ARMC2: variants seen among roughly 807,000 people sequenced by gnomAD.
The protein encoded by ARMC2 is armadillo repeat containing 2.
ARMC2 carries 67 observed loss-of-function variants against 90.3 expected under a neutral mutation model. That is an observed-to-expected ratio of 0.74 (90% CI 0.61 to 0.91). The LOEUF is 0.91. Among genes scored for constraint, ARMC2 ranks in the 40% least tolerant of loss-of-function variants. The probability of loss-of-function intolerance (pLI) is 0.00; values close to 1 mark genes in which losing one functional copy is unlikely to be tolerated. For missense variants in ARMC2, 920 were observed against 1,030.9 expected, an observed-to-expected ratio of 0.89 and a Z score of 1.47; for synonymous variants, 393 against 393.0, an observed-to-expected ratio of 1.00 and a Z score of 0.00.
chr6:108,855,780 A>G (rs1774524976), intron 2 of ARMC2, among the ~76,000 whole-genome samples: 1 of 152,130 alleles, frequency 6.6e-6, no homozygotes, highest in South Asian at 2.1e-4. Flanking sequence ...GTGGTATCTC[A>G]TTGTTTTAAG....
At chr6:108,918,625 G>A (rs992363777) in intron 10 of ARMC2, among the ~76,000 whole-genome samples, 6 of 152,078 alleles carry the variant, frequency 3.9e-5, no homozygotes, top group Admixed American at 2.0e-4. Context: ...GCCCAGTGCC[G>A]CCACCCTGCA....
At chr6:108,879,112 TCATC>T (rs982015100) in intron 5 of ARMC2, among the ~76,000 whole-genome samples, 30 of 148,276 alleles carry the variant, frequency 2.0e-4, no homozygotes, top group Non-Finnish European at 3.4e-4. Context: ...ACCCATCCAT[TCATC>T]CATCCATCCA....
intron 14 of ARMC2, 148 bp from the exon 15 acceptor site, chr6:108,961,866 T>C (rs1778022701): frequency 1.0e-6 from 1 of 990,880 alleles, no homozygotes; most frequent in Admixed American, 3.0e-5. Context: ...TGGGAAAAAT[T>C]AGTTTCTTAG....
At chr6:108,920,696 G>A (rs1774471810) in intron 10 of ARMC2, among the ~76,000 whole-genome samples, 2 of 152,156 alleles carry the variant, frequency 1.3e-5, no homozygotes, top group African/African-American at 4.8e-5. Context: ...GTTGGAGGAT[G>A]TGGCTGATAG....
chr6:108,897,583 A>G (rs1336416451), intron 6 of ARMC2, among the ~76,000 whole-genome samples: 4 of 152,088 alleles, frequency 2.6e-5, no homozygotes, highest in African/African-American at 9.7e-5. Context: ...AGGGTTGATA[A>G]AAGGCAAGCC....
At chr6:109,043,481 TA>T in the ARMC2 span, among the ~76,000 whole-genome samples, 1 of 152,098 alleles carries the variant, frequency 6.6e-6, no homozygotes, top group Non-Finnish European at 1.5e-5. Flanking sequence ...AAGGAATTTA[TA>T]AAAAACAACG....
chr6:108,882,289 A>T (rs868715476), intron 5 of ARMC2, among the ~76,000 whole-genome samples: 3 of 151,994 alleles, frequency 2.0e-5, no homozygotes, highest in African/African-American at 7.3e-5. Flanking sequence ...ACAAAAAAAA[A>T]TTAGCTGGGC....
the ARMC2 span, among the ~76,000 whole-genome samples, chr6:109,003,682 T>C: frequency 5.3e-5 from 8 of 152,228 alleles, no homozygotes; most frequent in Non-Finnish European, 1.2e-4. Flanking sequence ...AGGCACTTAA[T>C]TCACTGGTCT....
intron 4 of ARMC2, among the ~76,000 whole-genome samples, chr6:108,872,326 T>C (rs1776500111): frequency 6.6e-6 from 1 of 152,118 alleles, no homozygotes; most frequent in South Asian, 2.1e-4. Context: ...TGTGAATGCT[T>C]CCCCAGTTAT....
the ARMC2 span, among the ~76,000 whole-genome samples, chr6:108,986,038 A>AT: frequency 6.6e-6 from 1 of 152,118 alleles, no homozygotes; most frequent in African/African-American, 2.4e-5. Context: ...CAGGCACTAG[A>AT]TTGAGCTCAA....
At chr6:109,046,222 T>A in the ARMC2 span, among the ~76,000 whole-genome samples, 1 of 144,356 alleles carries the variant, frequency 6.9e-6, no homozygotes, top group African/African-American at 2.5e-5. Flanking sequence ...GCCTGCCGAG[T>A]GCCTGCGATT....
At chr6:108,886,537 C>T (rs1338615745) in intron 5 of ARMC2, among the ~76,000 whole-genome samples, 2 of 152,196 alleles carry the variant, frequency 1.3e-5, no homozygotes, top group African/African-American at 2.4e-5. Context: ...CACCACTGCA[C>T]TCCAGCCTGG....
At chr6:109,045,183 C>G in the ARMC2 span, among the ~76,000 whole-genome samples, 1 of 152,152 alleles carries the variant, frequency 6.6e-6, no homozygotes, top group Non-Finnish European at 1.5e-5. Flanking sequence ...GACACCCTTA[C>G]TAACCTCTTG....
downstream of ARMC2, among the ~76,000 whole-genome samples, chr6:108,978,349 C>T (rs1309950011): frequency 6.6e-6 from 1 of 152,174 alleles, no homozygotes; most frequent in Admixed American, 6.5e-5. Context: ...TTTGATTGCA[C>T]TGTGGTCTGA....
At chr6:108,901,915 C>G (rs1204083304) in intron 7 of ARMC2, among the ~76,000 whole-genome samples, 2 of 152,186 alleles carry the variant, frequency 1.3e-5, no homozygotes, top group African/African-American at 4.8e-5. Flanking sequence ...ATTTTACAGA[C>G]TGTCCCGCAA....
intron 6 of ARMC2, among the ~76,000 whole-genome samples, chr6:108,898,819 G>A (rs1203001383): frequency 1.3e-5 from 2 of 152,048 alleles, no homozygotes; most frequent in African/African-American, 4.8e-5. Flanking sequence ...TGAAATGGAG[G>A]CCTCCTGCAT....
the ARMC2 span, among the ~76,000 whole-genome samples, chr6:109,024,354 G>A: frequency 6.6e-6 from 1 of 152,066 alleles, no homozygotes; most frequent in Admixed American, 6.6e-5. Flanking sequence ...AATCACAAAG[G>A]AAGAATCAGA....
At chr6:109,052,722 T>G in the ARMC2 span, among the ~76,000 whole-genome samples, 4 of 152,230 alleles carry the variant, frequency 2.6e-5, no homozygotes, top group Non-Finnish European at 4.4e-5. Flanking sequence ...ATTTGTGATT[T>G]ATAGGCTTAA....
In ARMC2 at chr6:108,954,537, C is replaced by T. The variant is rs144571630; in HGVS notation, c.1915+1186C>T. ...ACTCGGGAGGCTGAGGCAGGAGAAT[C>T]GCTTGAACTCAGGAGACGGAGGGCC... On this transcript the variant is annotated intron_variant, in intron 13 of 17. Transcript: ENST00000392644. 2.7e-3 allele frequency among the ~76,000 whole-genome samples: 412 copies of T among 152,262 alleles called. 1 individual carries two copies. The highest frequency in any genetic ancestry group is 0.021 in the East Asian group (107 of 5,158).
Sources: gnomAD v4.1 joint callset for allele counts (sites outside exome capture counted in the v4.1 genomes callset) on GRCh38, gnomAD v4.1.1 for gene constraint, MANE v1.5 for transcripts, NCBI Gene and HGNC (gene_info 2026-07-23, HGNC 2026-07-21) for gene names.